The following RIMS4 variants were observed in gnomAD, a reference collection of about 807,000 sequenced individuals.
The protein encoded by RIMS4 is regulating synaptic membrane exocytosis 4.
Under a neutral mutation model 29.0 loss-of-function variants are expected in RIMS4, and 9 were observed. The ratio of observed to expected loss-of-function variants is 0.31; its 90% confidence interval spans 0.19 to 0.54. The LOEUF (loss-of-function observed/expected upper bound fraction) is 0.54. RIMS4 is among the 20% of genes least tolerant of loss of function. RIMS4 has a pLI of 0.94. For synonymous variants in RIMS4, 130 were observed against 152.9 expected, an observed-to-expected ratio of 0.85 and a Z score of 1.10; for missense variants, 193 against 365.7, an observed-to-expected ratio of 0.53 and a Z score of 3.85.
Position 44,769,967 on chromosome 20 carries a change from A to G in RIMS4, c.236+1308T>C, listed in dbSNP as rs1601025090. 2.0e-5 allele frequency among the ~76,000 whole-genome samples: 3 copies of G among 152,186 alleles called. No individual in the cohort carries two copies. The South Asian group carries it at 6.2e-4, about 32-fold the overall frequency. ...AATGTTCTATTTTCTGCACCACCCA[A>G]TATGGTTGTCGCTAGCCACAAGTTG... On this transcript the variant is annotated intron_variant, in intron 2 of 5. Coordinates refer to ENST00000372851, the MANE Select transcript of RIMS4 (RefSeq NM_182970.4).
intron 1 of RIMS4, among the ~76,000 whole-genome samples, chr20:44,787,460 T>C (rs2066213877): frequency 6.6e-6 from 1 of 152,150 alleles, no homozygotes; most frequent in South Asian, 2.1e-4. Flanking sequence ...ACCCATTTTA[T>C]AGATAGGGAA....
At position 44,758,187 on chromosome 20, in the gene RIMS4, G is replaced by T; in HGVS notation, c.237-3C>A. 1 of 1,603,102 alleles carries T rather than the reference G, an allele frequency of 6.2e-7. No homozygotes were observed. The highest frequency in any genetic ancestry group is 8.5e-7 in the Non-Finnish European group (1 of 1,172,822). On this transcript the variant is annotated splice_polypyrimidine_tract_variant and splice_region_variant and intron_variant, in intron 2 of 5. Transcript: ENST00000372851. ...GGCAAACTCCTCCATAGTTAAGGCT[G>T]CAAGAGGAAAAGGTGAGACAAAGCA...
chr20:44,771,164 G>T lies in RIMS4; in HGVS notation c.236+111C>A. The T allele has an allele frequency of 2.3e-6, 3 of 1,278,452 alleles. No homozygotes were observed. The South Asian group carries it at 5.3e-5, about 23-fold the overall frequency. 79.2% of individuals were successfully genotyped at this position (1,278,452 alleles called of 1,614,324 possible). On this transcript the variant is annotated intron_variant, in intron 2 of 5. Transcript: ENST00000372851. ...GATGAACCTGGAGCCCTGAGCTGGC[G>T]CTTTCACAGCCTGGAGCTGCCCTAG...
intron 1 of RIMS4, among the ~76,000 whole-genome samples, chr20:44,782,558 A>C (rs1216734880): frequency 6.6e-6 from 1 of 152,124 alleles, no homozygotes; most frequent in Non-Finnish European, 1.5e-5. Flanking sequence ...GATTACAGGC[A>C]TGAACCACCA....
At chr20:44,782,465 TG>T (rs2066188772) in intron 1 of RIMS4, among the ~76,000 whole-genome samples, 1 of 152,062 alleles carries the variant, frequency 6.6e-6, no homozygotes, top group Admixed American at 6.6e-5. Flanking sequence ...TTAGTAGAGA[TG>T]GGGTTTCACC....
At chr20:44,778,678 G>C (rs1049766614) in intron 1 of RIMS4, among the ~76,000 whole-genome samples, 1 of 152,108 alleles carries the variant, frequency 6.6e-6, no homozygotes, top group African/African-American at 2.4e-5. Context: ...ATAAATTCTG[G>C]TCTCCTAATT....
intron 2 of RIMS4, among the ~76,000 whole-genome samples, chr20:44,762,868 C>T (rs758712197): frequency 2.6e-5 from 4 of 152,200 alleles, no homozygotes; most frequent in Non-Finnish European, 5.9e-5. Context: ...TAGCCAACTG[C>T]TTGCTGTGTG....
intron 1 of RIMS4, among the ~76,000 whole-genome samples, chr20:44,795,884 C>A (rs1354341209): frequency 2.0e-5 from 3 of 152,138 alleles, no homozygotes; most frequent in African/African-American, 7.2e-5. Context: ...ATGATATGCC[C>A]ATTGTAGAAA....
At chr20:44,764,383 A>G (rs1036980855) in intron 2 of RIMS4, among the ~76,000 whole-genome samples, 1 of 152,240 alleles carries the variant, frequency 6.6e-6, no homozygotes, top group Non-Finnish European at 1.5e-5. Context: ...AAATGGGGTC[A>G]GTGTCACATC....
chr20:44,758,260 T>A (rs2066069385), intron 2 of RIMS4, 76 bp from the exon 3 acceptor site: 1 of 959,176 alleles, frequency 1.0e-6, no homozygotes, highest in Admixed American at 2.3e-5. Flanking sequence ...GCAGTCAACC[T>A]CCATGCAATG....
chr20:44,788,402 T>C (rs2066218085), intron 1 of RIMS4, among the ~76,000 whole-genome samples: 1 of 152,182 alleles, frequency 6.6e-6, no homozygotes, highest in Non-Finnish European at 1.5e-5. Flanking sequence ...CTTGGTCTCT[T>C]GACTGCCAAT....
At chr20:44,767,532 A>G (rs1222555530) in intron 2 of RIMS4, among the ~76,000 whole-genome samples, 1 of 152,220 alleles carries the variant, frequency 6.6e-6, no homozygotes, top group Non-Finnish European at 1.5e-5. Context: ...GCATCCTTGA[A>G]CTACCAAACC....
intron 1 of RIMS4, 96 bp from the exon 2 acceptor site, chr20:44,771,509 G>A (rs965379322): frequency 1.4e-6 from 2 of 1,398,998 alleles, no homozygotes; most frequent in South Asian, 1.3e-5. Flanking sequence ...TTCAGCAGCT[G>A]GGGGCTGTCC....
chr20:44,795,835 G>C (rs2066252583), intron 1 of RIMS4, among the ~76,000 whole-genome samples: 1 of 152,164 alleles, frequency 6.6e-6, no homozygotes, highest in Admixed American at 6.5e-5. Context: ...CAGCTAAGCA[G>C]AGTGTGGTCT....
intron 2 of RIMS4, among the ~76,000 whole-genome samples, chr20:44,760,342 A>G (rs57391379): frequency 0.014 from 2,120 of 152,268 alleles, 47 homozygotes; most frequent in African/African-American, 0.048. Context: ...AGAAATGGCT[A>G]CTTGGGCTTC....
chr20:44,767,925 T>A (rs947613346), intron 2 of RIMS4, among the ~76,000 whole-genome samples: 1 of 152,206 alleles, frequency 6.6e-6, no homozygotes, highest in African/African-American at 2.4e-5. Flanking sequence ...CAGATTCTGA[T>A]TCAGTGGGTC....
intron 1 of RIMS4, among the ~76,000 whole-genome samples, chr20:44,789,290 T>C (rs1286798657): frequency 6.6e-6 from 1 of 152,124 alleles, no homozygotes; most frequent in East Asian, 1.9e-4. Flanking sequence ...AGTATGAGAA[T>C]TTCTTTTTAT....
intron 1 of RIMS4, among the ~76,000 whole-genome samples, chr20:44,794,700 A>G (rs566710565): frequency 4.0e-4 from 61 of 152,304 alleles, no homozygotes; most frequent in African/African-American, 1.4e-3. Context: ...GCCTCCCGGC[A>G]TCACCAGACC....
At chr20:44,788,374 G>A (rs912984567) in intron 1 of RIMS4, among the ~76,000 whole-genome samples, 2 of 152,130 alleles carry the variant, frequency 1.3e-5, no homozygotes, top group African/African-American at 4.8e-5. Context: ...ATGTCTATTG[G>A]GCAGCGCTGG....
Sources: gnomAD v4.1 joint callset for allele counts (sites outside exome capture counted in the v4.1 genomes callset) on GRCh38, gnomAD v4.1.1 for gene constraint, MANE v1.5 for transcripts, NCBI Gene and HGNC (gene_info 2026-07-23, HGNC 2026-07-21) for gene names.